Variants in ADGRL2 observed in about 807,000 individuals in gnomAD.
The protein encoded by ADGRL2 is adhesion G protein-coupled receptor L2.
In ADGRL2, 44 loss-of-function variants were observed where a neutral mutation model predicts 157.4. The ratio of observed to expected loss-of-function variants is 0.28; its 90% CI spans 0.22 to 0.36. ADGRL2 has a LOEUF of 0.36. Among genes scored for constraint, ADGRL2 ranks in the 10% least tolerant of loss-of-function variants. The pLI, the probability that ADGRL2 is intolerant of heterozygous loss-of-function variation, is 1.00. For missense variants in ADGRL2, 1,510 were observed against 1,768.9 expected (o/e 0.85, Z 2.63); for synonymous variants, 585 against 624.7 (o/e 0.94, Z 0.95).
At chr1:81,390,812 A>G (rs1339153670) in intron 1 of ADGRL2, among the ~76,000 whole-genome samples, 4 of 152,310 alleles carry the variant, frequency 2.6e-5, no homozygotes, top group Non-Finnish European at 4.4e-5. Flanking sequence ...AATTTATTTA[A>G]CCAATCCACT....
At chr1:81,398,938 C>T (rs12143334) in intron 1 of ADGRL2, among the ~76,000 whole-genome samples, 9,521 of 152,106 alleles carry the variant, frequency 0.063, 425 homozygotes, top group South Asian at 0.12. Context: ...TCTGAATGTC[C>T]ATATCTGTAT....
intron 3 of ADGRL2, among the ~76,000 whole-genome samples, chr1:81,601,362 A>G (rs1184290023): frequency 6.6e-6 from 1 of 152,226 alleles, no homozygotes; most frequent in Non-Finnish European, 1.5e-5. Context: ...GCACAATTGT[A>G]TGCTGACTCT....
Position 81,439,476 on chromosome 1 carries a change from G to A in ADGRL2, c.-301-5560G>A, listed in dbSNP as rs72940928. ...TTTTCTCAGCCCCTTCACTGGACTCGCGGCAGGGTTACTCCCTCTATTAGG... is the reference window on the plus strand; with the variant it reads ...TTTTCTCAGCCCCTTCACTGGACTCACGGCAGGGTTACTCCCTCTATTAGG... On this transcript the variant is annotated intron_variant, in intron 1 of 24. Transcript: ENST00000370721. Among the ~76,000 whole-genome samples, 644 of 152,252 alleles carry A rather than the reference G, an allele frequency of 4.2e-3. 4 individuals carry two copies. The highest frequency in any genetic ancestry group is 0.015 in the African/African-American group (604 of 41,560).
At chr1:81,483,567 A>G (rs578101270) in intron 2 of ADGRL2, among the ~76,000 whole-genome samples, 3 of 152,292 alleles carry the variant, frequency 2.0e-5, no homozygotes, top group African/African-American at 7.2e-5. Flanking sequence ...ATAGGAATAT[A>G]TATTTCCCCC....
chr1:81,750,996 C>T (rs935384356), intron 1 of ADGRL2, among the ~76,000 whole-genome samples: 1 of 152,024 alleles, frequency 6.6e-6, no homozygotes, highest in African/African-American at 2.4e-5. Context: ...ATTAAGACTC[C>T]TTAGAGAAAT....
chr1:81,975,569 C>T (rs1274639418), intron 17 of ADGRL2, among the ~76,000 whole-genome samples: 1 of 148,704 alleles, frequency 6.7e-6, no homozygotes, highest in Non-Finnish European at 1.5e-5. Flanking sequence ...TTTGTAAATG[C>T]GTATCAAAGG....
At position 81,591,901 on chromosome 1, in the gene ADGRL2, A is replaced by C. The variant is rs965328782; in HGVS notation, c.-143+10921A>C. 3.9e-5 allele frequency among the ~76,000 whole-genome samples: 6 copies of C among 152,264 alleles called. No homozygotes were observed. In the South Asian group the frequency reaches 1.0e-3, roughly 26 times the overall value. ...CCTTCTGGTGACACCCTAGCCTTAG[A>C]TGGTACCCAGATAGCAGCCTTGTAA... On this transcript the variant is annotated intron_variant, in intron 3 of 24. Transcript: ENST00000370721.
chr1:81,763,026 T>C (rs534921349), intron 2 of ADGRL2, among the ~76,000 whole-genome samples: 30 of 115,770 alleles, frequency 2.6e-4, no homozygotes, highest in Non-Finnish European at 4.4e-4. Flanking sequence ...CCAGTCTGGG[T>C]GACAGAGCCA....
chr1:81,393,050 T>A (rs868782498), intron 1 of ADGRL2, among the ~76,000 whole-genome samples: 2 of 152,162 alleles, frequency 1.3e-5, no homozygotes, highest in Non-Finnish European at 2.9e-5. Flanking sequence ...TTCAACATTG[T>A]TGATGTTTCC....
intron 11 of ADGRL2, among the ~76,000 whole-genome samples, chr1:81,961,139 C>T (rs1050127994): frequency 4.6e-5 from 7 of 151,990 alleles, no homozygotes; most frequent in Non-Finnish European, 7.4e-5. Flanking sequence ...CTGAGTGAGG[C>T]TCTGAATGGC....
chr1:81,522,861 A>C (rs1036676748), intron 2 of ADGRL2, among the ~76,000 whole-genome samples: 2 of 152,208 alleles, frequency 1.3e-5, no homozygotes, highest in Non-Finnish European at 2.9e-5. Flanking sequence ...CTTACTCAAC[A>C]AGAAACCTAT....
intron 1 of ADGRL2, among the ~76,000 whole-genome samples, chr1:81,703,557 GTGAGATCATC>G (rs1230253869): frequency 6.6e-5 from 10 of 152,270 alleles, no homozygotes; most frequent in Non-Finnish European, 1.0e-4. Context: ...GTGGACATTG[GTGAGATCATC>G]TCCTGGGAGA....
intron 2 of ADGRL2, among the ~76,000 whole-genome samples, chr1:81,539,831 C>T (rs78575424): frequency 0.12 from 18,672 of 150,592 alleles, 1,162 homozygotes; most frequent in South Asian, 0.14. Context: ...AAAAAAAAGG[C>T]ATTTTTCTTT....
At chr1:81,893,314 C>CTTTTT (rs759728020) in intron 2 of ADGRL2, among the ~76,000 whole-genome samples, 3 of 150,376 alleles carry the variant, frequency 2.0e-5, no homozygotes, top group Admixed American at 1.3e-4. Flanking sequence ...CTTATCAATC[C>CTTTTT]TGTCTTGTAT....
chr1:81,668,454 T>G (rs1013349386), intron 3 of ADGRL2, among the ~76,000 whole-genome samples: 7 of 152,050 alleles, frequency 4.6e-5, no homozygotes, highest in African/African-American at 1.2e-4. Flanking sequence ...TATTATAGCT[T>G]GCCCCCTTGT....
chr1:81,899,695 T>C lies in ADGRL2; in HGVS notation c.74-7322T>C, dbSNP rs145934907. ...GTTGCAAGATGGATTAGATTACATT[T>C]TGCTGGTTGGGATGCTTATTTTTTT... On this transcript the variant is annotated intron_variant, in intron 2 of 23. Coordinates refer to ENST00000686636, the MANE Select transcript of ADGRL2 (RefSeq NM_001366006.2). 4.0e-3 allele frequency among the ~76,000 whole-genome samples: 604 copies of C among 152,308 alleles called. 4 individuals are homozygous for C. The highest frequency in any genetic ancestry group is 0.013 in the African/African-American group (530 of 41,576).
rs190977837 is a variant in ADGRL2 at position 81,836,554 on chromosome 1, A to T, written c.-100-331A>T. Reference sequence around the variant, plus strand: ...CTCTGCAGTTTGGAGAACTGGATCCATAGGGGCTATGAATACCTAGCAGTC... The same window carrying T: ...CTCTGCAGTTTGGAGAACTGGATCCTTAGGGGCTATGAATACCTAGCAGTC... On this transcript the variant is annotated intron_variant, in intron 1 of 23. Transcript: ENST00000686636. 6.6e-5 allele frequency among the ~76,000 whole-genome samples: 10 copies of T among 152,224 alleles called. 1 individual carries two copies. In the East Asian group the frequency reaches 1.5e-3, roughly 24 times the overall value.
chr1:81,799,888 TA>T (rs11338695), upstream of ADGRL2, among the ~76,000 whole-genome samples: 150,893 of 151,966 alleles, frequency 0.99, 74,930 homozygotes, highest in Non-Finnish European at 1. Flanking sequence ...AATTTTGCAA[TA>T]AAAAAAAAAT....
At chr1:81,969,714 T>G (rs559415649) in intron 15 of ADGRL2, among the ~76,000 whole-genome samples, 206 of 152,302 alleles carry the variant, frequency 1.4e-3, no homozygotes, top group African/African-American at 4.8e-3. Flanking sequence ...TTCTGACCAG[T>G]GATCCTTTCT....
Sources: allele counts gnomAD v4.1 joint callset (sites outside exome capture counted in the v4.1 genomes callset), GRCh38; gene constraint gnomAD v4.1.1; transcripts MANE v1.5; gene names NCBI Gene and HGNC (gene_info 2026-07-23, HGNC 2026-07-21).